The following CA10 variants were observed in gnomAD, a reference collection of about 807,000 sequenced individuals.
CA10 encodes the protein carbonic anhydrase 10 (inactive).
A neutral mutation model predicts 44.2 loss-of-function variants in CA10; 14 were observed. The observed-to-expected ratio is 0.32, with a 90% confidence interval of 0.21 to 0.50. CA10 has a LOEUF of 0.50. Ranked by LOEUF, CA10 falls within the 20% of genes least tolerant of loss-of-function variation. The probability of loss-of-function intolerance (pLI) is 0.99; values close to 1 mark genes in which losing one functional copy is unlikely to be tolerated. For missense variants in CA10, 350 were observed against 409.7 expected (o/e 0.85, Z 1.26); for synonymous variants, 159 against 141.6 (o/e 1.12, Z -0.87).
At chr17:51,957,384 G>T (rs2144043448) in intron 2 of CA10, among the ~76,000 whole-genome samples, 1 of 151,948 alleles carries the variant, frequency 6.6e-6, no homozygotes, top group East Asian at 1.9e-4. Flanking sequence ...TGAATAAGAT[G>T]ATGTCTGCTC....
At chr17:51,814,938 A>G (rs1222777983) in intron 3 of CA10, among the ~76,000 whole-genome samples, 1 of 152,150 alleles carries the variant, frequency 6.6e-6, no homozygotes, top group Admixed American at 6.5e-5. Flanking sequence ...TCTCTTAAAC[A>G]TCCGGCCAAA....
chr17:51,665,951 G>T (rs1454655479), intron 4 of CA10, among the ~76,000 whole-genome samples: 1 of 152,254 alleles, frequency 6.6e-6, no homozygotes, highest in Non-Finnish European at 1.5e-5. Flanking sequence ...TCTCAACAGA[G>T]GAGAAGGCTA....
In CA10 at chr17:52,120,832, T is replaced by C. The variant is rs1024042566; in HGVS notation, c.61+36894A>G. On this transcript the variant is annotated intron_variant, in intron 1 of 8. Coordinates refer to ENST00000451037, the MANE Select transcript of CA10 (RefSeq NM_020178.5). ...GATCCTGTTGGCAGGACCCACTCTT[T>C]CTTTGCTGAGAGCATTCTTTTCACC... 4.5e-4 allele frequency among the ~76,000 whole-genome samples: 69 copies of C among 152,336 alleles called. 1 individual carries two copies. Among genetic ancestry groups the C allele is most frequent in the African/African-American group, 1.6e-3 (68 of 41,588 alleles).
intron 2 of CA10, among the ~76,000 whole-genome samples, chr17:52,016,561 C>A (rs925901552): frequency 1.3e-5 from 2 of 152,082 alleles, no homozygotes; most frequent in Non-Finnish European, 2.9e-5. Flanking sequence ...TGTCTTGGTA[C>A]TGTCCTCAAG....
At chr17:51,853,746 G>A (rs1978909062) in intron 3 of CA10, among the ~76,000 whole-genome samples, 1 of 152,112 alleles carries the variant, frequency 6.6e-6, no homozygotes, top group Non-Finnish European at 1.5e-5. Context: ...TTTCCCCCAT[G>A]CTGTTCTTGT....
chr17:52,147,319 G>A (rs935223839), intron 1 of CA10, among the ~76,000 whole-genome samples: 1 of 151,958 alleles, frequency 6.6e-6, no homozygotes, highest in African/African-American at 2.4e-5. Context: ...GTCTTGCAAG[G>A]AGCACTGATC....
chr17:51,909,967 T>C (rs1567881484), intron 3 of CA10, among the ~76,000 whole-genome samples: 1 of 152,182 alleles, frequency 6.6e-6, no homozygotes, highest in African/African-American at 2.4e-5. Flanking sequence ...TTAAAAATTA[T>C]AGACATGTAA....
intron 2 of CA10, among the ~76,000 whole-genome samples, chr17:52,034,644 C>T (rs1031287223): frequency 6.6e-6 from 1 of 152,086 alleles, no homozygotes; most frequent in Non-Finnish European, 1.5e-5. Context: ...TCCAGCTCAA[C>T]CACTTCACCA....
chr17:51,744,990 C>T (rs1247627428), intron 4 of CA10, among the ~76,000 whole-genome samples: 1 of 152,154 alleles, frequency 6.6e-6, no homozygotes, highest in Admixed American at 6.5e-5. Flanking sequence ...TGCATCTACC[C>T]AGGGCAAGGT....
At chr17:52,050,062 G>A (rs1987019624) in intron 2 of CA10, among the ~76,000 whole-genome samples, 1 of 151,924 alleles carries the variant, frequency 6.6e-6, no homozygotes, top group African/African-American at 2.4e-5. Flanking sequence ...TGCACTCTAT[G>A]GTGTGTTCAC....
At chr17:51,700,200 C>T (rs1382607658) in intron 4 of CA10, among the ~76,000 whole-genome samples, 4 of 152,186 alleles carry the variant, frequency 2.6e-5, no homozygotes, top group Admixed American at 6.5e-5. Context: ...TAGTCTTAGC[C>T]GGGTTGCTGC....
At chr17:51,639,523 C>T (rs938801760) in intron 6 of CA10, among the ~76,000 whole-genome samples, 5 of 152,014 alleles carry the variant, frequency 3.3e-5, no homozygotes, top group Admixed American at 1.3e-4. Context: ...TCCAAAACAC[C>T]GTAGTGCTGA....
intron 2 of CA10, among the ~76,000 whole-genome samples, chr17:52,060,402 T>TA (rs773859456): frequency 5.3e-4 from 80 of 151,634 alleles, no homozygotes; most frequent in Middle Eastern, 3.4e-3. Context: ...ACTCGGATAT[T>TA]AAAAAAAAAT....
chr17:51,705,673 G>A (rs977618053), intron 4 of CA10, among the ~76,000 whole-genome samples: 2 of 152,078 alleles, frequency 1.3e-5, no homozygotes, highest in African/African-American at 4.8e-5. Context: ...TAAACTCACT[G>A]CTCATAAGAG....
chr17:51,657,346 CT>C (rs1308270854), intron 4 of CA10, among the ~76,000 whole-genome samples: 3 of 152,194 alleles, frequency 2.0e-5, no homozygotes, highest in African/African-American at 7.2e-5. Context: ...TGCTTCCTTT[CT>C]ACTGCCTTCC....
chr17:51,928,003 C>G (rs750034195), intron 3 of CA10, among the ~76,000 whole-genome samples: 1 of 152,202 alleles, frequency 6.6e-6, no homozygotes, highest in South Asian at 2.1e-4. Context: ...TACAACCCAG[C>G]CTTAAGGGCG....
chr17:51,632,089 C>G (rs1174712319), intron 8 of CA10, among the ~76,000 whole-genome samples: 1 of 152,212 alleles, frequency 6.6e-6, no homozygotes, highest in Non-Finnish European at 1.5e-5. Flanking sequence ...TATTGGAACA[C>G]AGCCATACCC....
At chr17:51,735,598 A>C (rs369480968) in intron 4 of CA10, among the ~76,000 whole-genome samples, 1 of 152,184 alleles carries the variant, frequency 6.6e-6, no homozygotes, top group Non-Finnish European at 1.5e-5. Flanking sequence ...TTGAAGAAGC[A>C]TGTCATTGCT....
chr17:51,895,977 T>C lies in CA10; in HGVS notation c.279+35013A>G, dbSNP rs1981050705. On this transcript the variant is annotated intron_variant, in intron 3 of 8. Transcript: ENST00000451037. Reference sequence around the variant, plus strand: ...GACAATATAATGAATATCAGTTGAATTTTTCTAAACTATTCTAGAAATAGG... The same window carrying C: ...GACAATATAATGAATATCAGTTGAACTTTTCTAAACTATTCTAGAAATAGG... Among the ~76,000 whole-genome samples, 4 of 152,192 alleles carry C rather than the reference T, an allele frequency of 2.6e-5. No individual in the cohort carries two copies. The South Asian group carries it at 8.3e-4, about 32-fold the overall frequency.
Sources: allele counts gnomAD v4.1 joint callset (sites outside exome capture counted in the v4.1 genomes callset), GRCh38; gene constraint gnomAD v4.1.1; transcripts MANE v1.5; gene names NCBI Gene and HGNC (gene_info 2026-07-23, HGNC 2026-07-21).